SPOCK3: variants seen among roughly 807,000 people sequenced by gnomAD.
SPOCK3 encodes SPARC (osteonectin), cwcv and kazal like domains proteoglycan 3.
SPOCK3 carries 30 observed loss-of-function variants against 56.6 expected under a neutral mutation model. The ratio of observed to expected loss-of-function variants is 0.53; its 90% CI spans 0.40 to 0.72. The LOEUF is 0.72. SPOCK3 is among the 30% of genes least tolerant of loss of function. SPOCK3 has a pLI of 0.00. For synonymous variants in SPOCK3, 196 were observed against 183.3 expected, an observed-to-expected ratio of 1.07 and a Z score of -0.56; for missense variants, 527 against 530.0, an observed-to-expected ratio of 0.99 and a Z score of 0.06.
chr4:167,116,928 T>TAC (rs1761475773), intron 2 of SPOCK3, among the ~76,000 whole-genome samples: 1 of 145,168 alleles, frequency 6.9e-6, no homozygotes, highest in African/African-American at 2.5e-5. Context: ...TATATATATA[T>TAC]ATATACTTTT....
chr4:166,971,914 T>C (rs1745428311), intron 4 of SPOCK3, among the ~76,000 whole-genome samples: 1 of 152,134 alleles, frequency 6.6e-6, no homozygotes, highest in Non-Finnish European at 1.5e-5. Flanking sequence ...TGAAGGTACA[T>C]AGCCAAGGCA....
At position 166,934,709 on chromosome 4, in the gene SPOCK3, A is replaced by G. The variant is rs186179386; in HGVS notation, c.351-21966T>C. Among the ~76,000 whole-genome samples, 152 of 152,278 alleles carry G rather than the reference A, an allele frequency of 1.0e-3. 3 individuals are homozygous for G. The highest frequency in any genetic ancestry group is 9.5e-3 in the Admixed American group (146 of 15,294). ...ATAAACACTCCTTTTCCATACGTCT[A>G]TGAGATCTGGTCTGATTATTTCTAG... On this transcript the variant is annotated intron_variant, in intron 4 of 10. Coordinates refer to ENST00000357545, the MANE Select transcript of SPOCK3 (RefSeq NM_001040159.2).
chr4:167,222,564 C>CATGT (rs1736051941), intron 2 of SPOCK3, among the ~76,000 whole-genome samples: 1 of 132,918 alleles, frequency 7.5e-6, no homozygotes, highest in Non-Finnish European at 1.6e-5. Context: ...AATATATATA[C>CATGT]ATGTTATAGA....
chr4:166,828,498 A>T (rs1013884077), intron 6 of SPOCK3, among the ~76,000 whole-genome samples: 17 of 151,966 alleles, frequency 1.1e-4, no homozygotes, highest in African/African-American at 3.9e-4. Flanking sequence ...TTATGTGGGG[A>T]ACAATTTTTC....
intron 3 of SPOCK3, among the ~76,000 whole-genome samples, chr4:167,034,695 C>T (rs990659665): frequency 3.9e-5 from 6 of 152,042 alleles, no homozygotes; most frequent in African/African-American, 1.4e-4. Flanking sequence ...TCCAATTTAA[C>T]TTAAGCCAAC....
intron 4 of SPOCK3, among the ~76,000 whole-genome samples, chr4:166,991,037 T>C (rs1393049137): frequency 1.3e-5 from 2 of 152,132 alleles, no homozygotes; most frequent in African/African-American, 4.8e-5. Flanking sequence ...TATGCACATT[T>C]TGTTACAGCT....
At chr4:167,159,899 T>C (rs1039192416) in intron 2 of SPOCK3, among the ~76,000 whole-genome samples, 8 of 152,126 alleles carry the variant, frequency 5.3e-5, no homozygotes, top group East Asian at 1.9e-4. Context: ...CTCAAAATAA[T>C]AAGAGCTATC....
At chr4:166,918,870 T>C (rs903072888) in intron 4 of SPOCK3, among the ~76,000 whole-genome samples, 1 of 152,078 alleles carries the variant, frequency 6.6e-6, no homozygotes, top group Non-Finnish European at 1.5e-5. Context: ...ATCCTCATGG[T>C]AATGAGTGAG....
intron 8 of SPOCK3, among the ~76,000 whole-genome samples, chr4:166,748,090 C>T (rs1367844833): frequency 1.3e-5 from 2 of 151,580 alleles, no homozygotes; most frequent in Non-Finnish European, 2.9e-5. Context: ...AATGCCATCC[C>T]CTTCAAGCTA....
chr4:166,957,908 T>C (rs531638297), intron 4 of SPOCK3, among the ~76,000 whole-genome samples: 1 of 152,174 alleles, frequency 6.6e-6, no homozygotes, highest in South Asian at 2.1e-4. Flanking sequence ...AGATGAGACT[T>C]TGGAATTTGA....
At chr4:167,136,882 C>T (rs1042630613) in intron 2 of SPOCK3, among the ~76,000 whole-genome samples, 5 of 152,076 alleles carry the variant, frequency 3.3e-5, no homozygotes, top group African/African-American at 9.6e-5. Context: ...TGTTAGATTT[C>T]CAGTGCTGAG....
intron 4 of SPOCK3, among the ~76,000 whole-genome samples, chr4:166,980,210 T>C (rs1399147842): frequency 6.6e-6 from 1 of 152,238 alleles, no homozygotes; most frequent in Non-Finnish European, 1.5e-5. Context: ...TATTAGACTT[T>C]AGCCTGCAGG....
chr4:167,095,737 C>A (rs1231920750), intron 2 of SPOCK3, among the ~76,000 whole-genome samples: 1 of 151,300 alleles, frequency 6.6e-6, no homozygotes, highest in Non-Finnish European at 1.5e-5. Flanking sequence ...CATAAACCTC[C>A]CAAACTTGCA....
At chr4:167,208,921 C>G (rs1734604265) in intron 2 of SPOCK3, among the ~76,000 whole-genome samples, 1 of 152,114 alleles carries the variant, frequency 6.6e-6, no homozygotes, top group Admixed American at 6.6e-5. Flanking sequence ...TGCAATCACT[C>G]TTTTCAAAAA....
chr4:166,958,315 C>G lies in SPOCK3; in HGVS notation c.350+42034G>C, dbSNP rs1167624393. ...TGATTTGAAGCTTCCTGAGGCCTCCCCAGAAGCAGACCCCACTGTGCTTCC... is the reference window on the plus strand; with the variant it reads ...TGATTTGAAGCTTCCTGAGGCCTCCGCAGAAGCAGACCCCACTGTGCTTCC... On this transcript the variant is annotated intron_variant, in intron 4 of 10. Coordinates refer to ENST00000357545, the MANE Select transcript of SPOCK3 (RefSeq NM_001040159.2). Among the ~76,000 whole-genome samples the G allele has an allele frequency of 2.6e-5, 4 of 152,124 alleles. No individual in the cohort carries two copies. The East Asian group carries it at 7.7e-4, about 29-fold the overall frequency.
intron 2 of SPOCK3, among the ~76,000 whole-genome samples, chr4:167,205,098 A>G (rs1442262844): frequency 7.6e-6 from 1 of 131,660 alleles, no homozygotes; most frequent in East Asian, 2.1e-4. Context: ...GGCTGGGATT[A>G]CAGGCATGAA....
At chr4:167,215,023 A>T (rs1735225855) in intron 2 of SPOCK3, among the ~76,000 whole-genome samples, 1 of 151,498 alleles carries the variant, frequency 6.6e-6, no homozygotes, top group African/African-American at 2.4e-5. Flanking sequence ...TAGTTCAAAC[A>T]TGATAGTAAA....
chr4:166,953,529 A>G (rs1742975607), intron 4 of SPOCK3, among the ~76,000 whole-genome samples: 2 of 152,030 alleles, frequency 1.3e-5, no homozygotes, highest in Non-Finnish European at 2.9e-5. Context: ...CAGTGTGGTG[A>G]TTCCTCAGGG....
chr4:166,975,335 C>T (rs1405129394), intron 4 of SPOCK3, among the ~76,000 whole-genome samples: 1 of 152,090 alleles, frequency 6.6e-6, no homozygotes, highest in Non-Finnish European at 1.5e-5. Context: ...TATCTAACTA[C>T]ATATGTATCT....
Sources: gnomAD v4.1 joint callset for allele counts (sites outside exome capture counted in the v4.1 genomes callset) on GRCh38, gnomAD v4.1.1 for gene constraint, MANE v1.5 for transcripts, NCBI Gene and HGNC (gene_info 2026-07-23, HGNC 2026-07-21) for gene names.